GM2A: variants seen among roughly 807,000 people sequenced by gnomAD.
The protein encoded by GM2A is ganglioside GM2 activator.
In GM2A, 7 loss-of-function variants were observed where a neutral mutation model predicts 12.9. The ratio of observed to expected loss-of-function variants is 0.54; its 90% confidence interval spans 0.31 to 1.02. GM2A has a LOEUF of 1.02. Ranked by LOEUF, GM2A falls within the 50% of genes least tolerant of loss-of-function variation. The pLI is 0.05. For synonymous variants in GM2A, 101 were observed against 96.0 expected, an observed-to-expected ratio of 1.05 and a Z score of -0.30; for missense variants, 246 against 241.0, an observed-to-expected ratio of 1.02 and a Z score of -0.14.
Position 151,270,432 on chromosome 5 carries a change from A to G in GM2A, c.*2981A>G, listed in dbSNP as rs148368808. 68 of 398,398 alleles carry G rather than the reference A, an allele frequency of 1.7e-4. No homozygotes were observed. Among genetic ancestry groups the G allele is most frequent in the African/African-American group, 1.3e-3 (62 of 48,762 alleles). The allele number at this position is 398,398 out of a possible 1,614,324, so 24.7% of individuals were successfully genotyped here. A position where few individuals can be genotyped will look rare whatever the true frequency, so the allele number is the denominator to read the frequency against. On this transcript the variant is annotated 3_prime_UTR_variant, in exon 4 of 4. Coordinates refer to ENST00000357164, the MANE Select transcript of GM2A (RefSeq NM_000405.5). ...GAGAAAAATTTATCCAGCCTATATA[A>G]TAGACAAACAGTTAGTGTTCTTACT...
chr5:151,265,302 G>A (rs73796652), intron 2 of GM2A, among the ~76,000 whole-genome samples: 3 of 152,102 alleles, frequency 2.0e-5, no homozygotes, highest in South Asian at 2.1e-4. Flanking sequence ...CTAATATCTC[G>A]ACATCTGGGG....
Position 151,268,452 on chromosome 5 carries a change from G to A in GM2A, c.*1001G>A, listed in dbSNP as rs940633668. ...CAGGCATGAGCCACTACACCCAGCC[G>A]ATTTTTCCTTTTTGATTAAAGATGC... On this transcript the variant is annotated 3_prime_UTR_variant, in exon 4 of 4. Coordinates refer to ENST00000357164, the MANE Select transcript of GM2A (RefSeq NM_000405.5). 6 of 985,060 alleles carry A rather than the reference G, an allele frequency of 6.1e-6. No individual in the cohort carries two copies. The highest frequency in any genetic ancestry group is 1.1e-4 in the East Asian group (1 of 8,818). The allele number at this position is 985,060 out of a possible 1,614,324, so 61.0% of individuals were successfully genotyped here.
At chr5:151,253,714 T>C (rs1345412414) in intron 1 of GM2A, among the ~76,000 whole-genome samples, 1 of 151,994 alleles carries the variant, frequency 6.6e-6, no homozygotes, top group Non-Finnish European at 1.5e-5. Context: ...TTCCTGAGAG[T>C]TGGGAGGGTT....
Position 151,267,814 on chromosome 5 carries a change from TC to T in GM2A, c.*364del, listed in dbSNP as rs201142293. On this transcript the variant is annotated 3_prime_UTR_variant, in exon 4 of 4. Coordinates refer to ENST00000357164, the MANE Select transcript of GM2A (RefSeq NM_000405.5). ...ATCTTTATGACTCTCTCTCTTTCAC[TC>T]TTTTTTTTTTTTGTCACTAAGTTAA... 1.2e-5 allele frequency: 14 copies of T among 1,144,518 alleles called. No individual in the cohort carries two copies. The East Asian group carries it at 7.9e-4, about 65-fold the overall frequency. 70.9% of individuals were successfully genotyped at this position (1,144,518 alleles called of 1,614,324 possible).
chr5:151,266,374 A>G (rs562876384), intron 2 of GM2A, among the ~76,000 whole-genome samples: 26 of 148,376 alleles, frequency 1.8e-4, no homozygotes, highest in African/African-American at 3.4e-4. Context: ...TCCCACCTAC[A>G]TGGGAGGCTG....
At position 151,266,870 on chromosome 5, in the gene GM2A, C is replaced by T. The variant is rs1260956223; in HGVS notation, c.383C>T (p.Pro128Leu). Residue 128 changes from proline to leucine, a missense_variant, in exon 3 of 4, where the codon CCC becomes CTC. Physicochemically the swap from Pro to Leu is moderately conservative, Grantham distance 98. Coordinates refer to ENST00000357164, the MANE Select transcript of GM2A (RefSeq NM_000405.5). ...CCTACTGGGGAGCCCTGCCCAGAGC[C>T]CCTGCGTACCTATGGGCTTCCTTGC... ...LIPTGEPCPE[P>L]LRTYGLPCHC... The T allele has an allele frequency of 6.2e-7, 1 of 1,613,894 alleles. No homozygotes were observed. Among genetic ancestry groups the T allele is most frequent in the African/African-American group, 1.3e-5 (1 of 75,014 alleles).
chr5:151,257,584 C>T (rs1246790475), intron 1 of GM2A, among the ~76,000 whole-genome samples: 1 of 152,178 alleles, frequency 6.6e-6, no homozygotes, highest in Admixed American at 6.5e-5. Flanking sequence ...AACCACAAAT[C>T]ACAGTGTAGT....
intron 2 of GM2A, among the ~76,000 whole-genome samples, chr5:151,261,398 A>T (rs1753795946): frequency 6.6e-6 from 1 of 152,122 alleles, no homozygotes. Context: ...TCTATTGTTG[A>T]ACATTTAGTT....
At chr5:151,256,530 T>C (rs373954691) in intron 1 of GM2A, among the ~76,000 whole-genome samples, 16 of 147,146 alleles carry the variant, frequency 1.1e-4, no homozygotes, top group African/African-American at 3.8e-4. Context: ...CACTTGAACC[T>C]AGGAGGCAGA....
At chr5:151,261,821 G>T in intron 2 of GM2A, among the ~76,000 whole-genome samples, 1 of 152,238 alleles carries the variant, frequency 6.6e-6, no homozygotes, top group Non-Finnish European at 1.5e-5. Flanking sequence ...CAATCCACCT[G>T]CCTCAGCCTC....
chr5:151,262,058 G>A (rs553300269), intron 2 of GM2A, among the ~76,000 whole-genome samples: 18 of 152,308 alleles, frequency 1.2e-4, no homozygotes, highest in African/African-American at 2.6e-4. Flanking sequence ...CCTAGTGAGC[G>A]TAGATGTCTA....
chr5:151,267,336 A>T lies in GM2A; in HGVS notation c.467A>T (p.Asp156Val), dbSNP rs1753908017. 6.2e-7 allele frequency: 1 copy of T among 1,614,144 alleles called. No homozygotes were observed. Among genetic ancestry groups the T allele is most frequent in the Non-Finnish European group, 8.5e-7 (1 of 1,180,002 alleles). The change falls in exon 4 of 4, where the codon GAC becomes GTC. Residue 156 changes from aspartate (D) to valine (V), a missense_variant. Transcript: ENST00000357164. Reference protein sequence around the residue: ...SLPKSEFVVPDLELPSWLTTG... With the variant: ...SLPKSEFVVPVLELPSWLTTG... ...CCCAAGAGCGAATTCGTTGTGCCTG[A>T]CCTGGAGCTGCCCAGTTGGCTCACC...
At position 151,253,243 on chromosome 5, in the gene GM2A, C is replaced by A. The variant is rs760185979; in HGVS notation, c.27C>A (p.Leu9=). The change falls in exon 1 of 4, where the codon CTC becomes CTA. Residue 9 remains leucine (L), a synonymous_variant. Coordinates refer to ENST00000357164, the MANE Select transcript of GM2A (RefSeq NM_000405.5). MQSLMQAP[L]LIALGLLLAA... is the part of the protein sequence containing the mutation. The stretch of plus-strand genomic sequence containing the variant: ...TGCAGTCCCTGATGCAGGCTCCCCT[C>A]CTGATCGCCCTGGGCTTGCTTCTCG... The A allele has an allele frequency of 6.2e-7, 1 of 1,614,082 alleles. No homozygotes were observed. The highest frequency in any genetic ancestry group is 8.5e-7 in the Non-Finnish European group (1 of 1,179,962).
intron 1 of GM2A, among the ~76,000 whole-genome samples, chr5:151,254,004 G>A (rs1753638685): frequency 6.6e-6 from 1 of 152,180 alleles, no homozygotes; most frequent in Non-Finnish European, 1.5e-5. Context: ...TTCAATCTAT[G>A]TTGTTGCAAA....
chr5:151,255,379 C>T (rs538873827), intron 1 of GM2A, among the ~76,000 whole-genome samples: 1 of 152,318 alleles, frequency 6.6e-6, no homozygotes, highest in Admixed American at 6.5e-5. Context: ...TCACACATTT[C>T]TGGTAGCAAA....
rs562246698 is a variant in GM2A, at chr5:151,254,511, C to T, written c.81+1214C>T. Among the ~76,000 whole-genome samples, 7 of 152,280 alleles carry T rather than the reference C, an allele frequency of 4.6e-5. No individual in the cohort carries two copies. The South Asian group carries it at 1.0e-3, about 23-fold the overall frequency. On this transcript the variant is annotated intron_variant, in intron 1 of 3. Transcript: ENST00000357164. ...TGCAGGTGTGGGCCACCAAGTTCTG[C>T]TAAGGAATAGGCTTTGAGATTTATT...
chr5:151,253,526 C>T (rs1459707407), intron 1 of GM2A, among the ~76,000 whole-genome samples: 1 of 152,240 alleles, frequency 6.6e-6, no homozygotes, highest in Non-Finnish European at 1.5e-5. Context: ...CACGTCTGCA[C>T]TCTCCTGCCC....
In GM2A at chr5:151,268,681, C is replaced by CAAA; in HGVS notation, c.*1237_*1239dup. 1.9e-6 allele frequency: 1 copy of CAAA among 531,000 alleles called. No individual in the cohort carries two copies. Among genetic ancestry groups the CAAA allele is most frequent in the Non-Finnish European group, 2.4e-6 (1 of 417,222 alleles). The allele number at this position is 531,000 out of a possible 1,614,324, so 32.9% of individuals were successfully genotyped here. On this transcript the variant is annotated 3_prime_UTR_variant, in exon 4 of 4. Transcript: ENST00000357164. ...CTGGTGACAGAGTGAGACTCTGTCT[C>CAAA]AAAAAAAAAGTTTCAATGTTTACTC...
chr5:151,266,496 G>A (rs1214811682), intron 2 of GM2A, among the ~76,000 whole-genome samples: 1 of 150,970 alleles, frequency 6.6e-6, no homozygotes, highest in Non-Finnish European at 1.5e-5. Context: ...CAGTGTAGGG[G>A]GAAAATTCAC....
Sources: allele counts gnomAD v4.1 joint callset (sites outside exome capture counted in the v4.1 genomes callset), GRCh38; gene constraint gnomAD v4.1.1; transcripts MANE v1.5; gene names NCBI Gene and HGNC (gene_info 2026-07-23, HGNC 2026-07-21).